The following RAB6B variants were observed in gnomAD, a reference collection of about 807,000 sequenced individuals.
RAB6B encodes the protein ras-related protein Rab-6B.
In RAB6B, 7 loss-of-function variants were observed where a neutral mutation model predicts 31.2. The ratio of observed to expected loss-of-function variants is 0.22; its 90% confidence interval spans 0.13 to 0.42. The LOEUF (loss-of-function observed/expected upper bound fraction) is 0.42. Ranked by LOEUF, RAB6B falls within the 10% of genes least tolerant of loss-of-function variation. The probability of loss-of-function intolerance (pLI) is 1.00; values close to 1 mark genes in which losing one functional copy is unlikely to be tolerated. For synonymous variants in RAB6B, 105 were observed against 104.9 expected (o/e 1.00, Z -0.01); for missense variants, 149 against 280.6 (o/e 0.53, Z 3.35).
At chr3:133,859,686 C>T (rs1201221375) in intron 2 of RAB6B, among the ~76,000 whole-genome samples, 1 of 152,236 alleles carries the variant, frequency 6.6e-6, no homozygotes, top group Admixed American at 6.5e-5. Flanking sequence ...TTGAATAAAG[C>T]ATAGCCTTCC....
intron 6 of RAB6B, among the ~76,000 whole-genome samples, chr3:133,837,217 C>T (rs1371111302): frequency 6.6e-6 from 1 of 152,146 alleles, no homozygotes; most frequent in Non-Finnish European, 1.5e-5. Flanking sequence ...ACCCCTCTGG[C>T]AATCTGGTTA....
chr3:133,859,455 T>A (rs893917358), intron 2 of RAB6B, among the ~76,000 whole-genome samples: 4 of 152,174 alleles, frequency 2.6e-5, no homozygotes, highest in African/African-American at 7.2e-5. Context: ...CCAGTGTCCA[T>A]GAGTGTGTGA....
intron 3 of RAB6B, 33 bp from the exon 4 acceptor site, chr3:133,841,423 G>A (rs748400783): frequency 2.5e-6 from 4 of 1,607,314 alleles, no homozygotes; most frequent in Non-Finnish European, 3.4e-6. Context: ...ATGGGCAGAG[G>A]GGTCAGTGGG....
Position 133,828,710 on chromosome 3 carries a change from C to T in RAB6B, c.*78G>A. 3 of 1,369,118 alleles carry T rather than the reference C, an allele frequency of 2.2e-6. No homozygotes were observed. In the Admixed American group the frequency reaches 5.3e-5, roughly 24 times the overall value. The allele number at this position is 1,369,118 out of a possible 1,614,324, so 84.8% of individuals were successfully genotyped here. On this transcript the variant is annotated 3_prime_UTR_variant, in exon 8 of 8. Coordinates refer to ENST00000285208, the MANE Select transcript of RAB6B (RefSeq NM_016577.4). The stretch of plus-strand genomic sequence containing the variant: ...TCCCATCTTGATAACTCGGTTCCCT[C>T]CCCCCTTAGGAAGCTAGCCAATAGG...
At chr3:133,862,953 A>G (rs1011945252) in intron 2 of RAB6B, among the ~76,000 whole-genome samples, 1 of 152,258 alleles carries the variant, frequency 6.6e-6, no homozygotes, top group Non-Finnish European at 1.5e-5. Flanking sequence ...ACACACATGC[A>G]TGCACAAAAA....
At chr3:133,848,622 G>C (rs930934685) in intron 2 of RAB6B, among the ~76,000 whole-genome samples, 1 of 152,172 alleles carries the variant, frequency 6.6e-6, no homozygotes, top group African/African-American at 2.4e-5. Flanking sequence ...GAAGGTGGAA[G>C]GGAAAGTGAA....
chr3:133,832,789 A>C (rs1210868792), intron 7 of RAB6B, among the ~76,000 whole-genome samples: 1 of 152,210 alleles, frequency 6.6e-6, no homozygotes, highest in East Asian at 1.9e-4. Context: ...GACACAGGTC[A>C]CAACACCCTG....
intron 2 of RAB6B, among the ~76,000 whole-genome samples, chr3:133,845,115 T>G (rs1935890234): frequency 1.3e-5 from 2 of 152,194 alleles, no homozygotes; most frequent in South Asian, 4.1e-4. Flanking sequence ...AGGCTGGCTT[T>G]GGGAGGAACA....
intron 1 of RAB6B, among the ~76,000 whole-genome samples, chr3:133,875,897 G>A (rs147446416): frequency 7.9e-5 from 12 of 152,312 alleles, no homozygotes; most frequent in East Asian, 3.9e-4. Context: ...GAGGAGAACC[G>A]AACGCACTCG....
At chr3:133,834,927 T>C (rs1232952667) in intron 6 of RAB6B, among the ~76,000 whole-genome samples, 1 of 152,172 alleles carries the variant, frequency 6.6e-6, no homozygotes, top group Non-Finnish European at 1.5e-5. Flanking sequence ...TGAGCTTAGG[T>C]CATGGCAGTG....
intron 2 of RAB6B, among the ~76,000 whole-genome samples, chr3:133,847,326 A>C (rs973415403): frequency 6.6e-6 from 1 of 152,238 alleles, no homozygotes; most frequent in Non-Finnish European, 1.5e-5. Context: ...AGTTGTCTAC[A>C]TATGTCCAGC....
At chr3:133,839,705 G>T (rs1168544204) in intron 4 of RAB6B, 88 bp from the exon 5 acceptor site, 2 of 979,768 alleles carry the variant, frequency 2.0e-6, no homozygotes, top group Non-Finnish European at 3.3e-6. Context: ...GGAGCAGGAG[G>T]GAGGGTGAGC....
At chr3:133,829,248 C>T (rs1446398043) in intron 7 of RAB6B, among the ~76,000 whole-genome samples, 1 of 152,228 alleles carries the variant, frequency 6.6e-6, no homozygotes, top group African/African-American at 2.4e-5. Context: ...GGGTTCACAT[C>T]TCAAAGCACA....
intron 1 of RAB6B, among the ~76,000 whole-genome samples, chr3:133,881,084 G>T (rs1219974381): frequency 6.6e-6 from 1 of 152,176 alleles, no homozygotes; most frequent in African/African-American, 2.4e-5. Context: ...GCCAGGCTGG[G>T]GGGTGGATCA....
chr3:133,828,701 C>T lies in RAB6B; in HGVS notation c.*87G>A, dbSNP rs1417085157. The T allele has an allele frequency of 2.5e-6, 3 of 1,204,992 alleles. No individual in the cohort carries two copies. Among genetic ancestry groups the T allele is most frequent in the Non-Finnish European group, 3.5e-6 (3 of 863,314 alleles). The allele number at this position is 1,204,992 out of a possible 1,614,324, so 74.6% of individuals were successfully genotyped here. ...GAAAAATCCTCCCATCTTGATAACT[C>T]GGTTCCCTCCCCCCTTAGGAAGCTA... On this transcript the variant is annotated 3_prime_UTR_variant, in exon 8 of 8. Coordinates refer to ENST00000285208, the MANE Select transcript of RAB6B (RefSeq NM_016577.4).
intron 7 of RAB6B, 59 bp from the exon 8 acceptor site, chr3:133,828,911 C>T: frequency 6.9e-7 from 1 of 1,444,138 alleles, no homozygotes. Flanking sequence ...CCCCACTTAG[C>T]CCTGTGCACT....
intron 2 of RAB6B, among the ~76,000 whole-genome samples, chr3:133,855,532 C>T (rs1436953869): frequency 6.6e-6 from 1 of 152,160 alleles, no homozygotes; most frequent in Non-Finnish European, 1.5e-5. Flanking sequence ...ATCAGTGGGT[C>T]CCTTCAAAAG....
At chr3:133,841,490 A>G (rs571646902) in intron 3 of RAB6B, 100 bp from the exon 4 acceptor site, 2 of 1,528,892 alleles carry the variant, frequency 1.3e-6, no homozygotes, top group Non-Finnish European at 1.8e-6. Flanking sequence ...CAATGCTGGC[A>G]TCACCAGCTC....
chr3:133,858,185 G>A (rs1471277799), intron 2 of RAB6B, among the ~76,000 whole-genome samples: 2 of 152,196 alleles, frequency 1.3e-5, no homozygotes, highest in African/African-American at 2.4e-5. Context: ...CACCAGGCAC[G>A]AGGGGCACAG....
Sources: allele counts gnomAD v4.1 joint callset (sites outside exome capture counted in the v4.1 genomes callset), GRCh38; gene constraint gnomAD v4.1.1; transcripts MANE v1.5; gene names NCBI Gene and HGNC (gene_info 2026-07-23, HGNC 2026-07-21).